The following RANBP17 variants were observed in gnomAD, a reference collection of about 807,000 sequenced individuals.
RANBP17 encodes the protein RAN binding protein 17.
Under a neutral mutation model 141.2 loss-of-function variants are expected in RANBP17, and 158 were observed. The observed-to-expected ratio is 1.12, with a 90% CI of 0.98 to 1.28. RANBP17 has a LOEUF of 1.28. RANBP17 is among the 50% of genes most tolerant of loss of function. The probability of loss-of-function intolerance (pLI) is 0.00; values close to 1 mark genes in which losing one functional copy is unlikely to be tolerated. For synonymous variants in RANBP17, 430 were observed against 450.0 expected (o/e 0.96, Z 0.56); for missense variants, 1,438 against 1,290.7 (o/e 1.11, Z -1.75).
intron 12 of RANBP17, among the ~76,000 whole-genome samples, chr5:170,930,599 C>T (rs1456947352): frequency 1.3e-5 from 2 of 151,992 alleles, no homozygotes; most frequent in African/African-American, 2.4e-5. Context: ...TGTGATGTTC[C>T]CCGCCCTGTG....
intron 5 of RANBP17, chr5:170,904,564 A>G (rs901125456): frequency 3.3e-5 from 5 of 152,192 alleles, no homozygotes; most frequent in African/African-American, 1.2e-4. Flanking sequence ...TGTTTTTCAT[A>G]TTAGGAAATA....
chr5:170,950,850 A>G (rs1043090361), intron 12 of RANBP17, among the ~76,000 whole-genome samples: 1 of 152,178 alleles, frequency 6.6e-6, no homozygotes, highest in Non-Finnish European at 1.5e-5. Flanking sequence ...TGATGGATGG[A>G]TAAAATAATG....
chr5:171,028,801 C>A, intron 14 of RANBP17: 1 of 714,568 alleles, frequency 1.4e-6, no homozygotes, highest in Non-Finnish European at 2.1e-6. Flanking sequence ...CCTTTTTTCC[C>A]TCTCCTAAGA....
intron 13 of RANBP17, among the ~76,000 whole-genome samples, chr5:170,964,077 C>T (rs1050892556): frequency 3.3e-5 from 5 of 152,004 alleles, no homozygotes; most frequent in Non-Finnish European, 5.9e-5. Context: ...AATTTTCTGT[C>T]ATCCTGAATT....
At chr5:171,298,710 A>T (rs1768976991) in intron 27 of RANBP17, 52 bp from the exon 28 acceptor site, 2 of 1,439,830 alleles carry the variant, frequency 1.4e-6, no homozygotes, top group Non-Finnish European at 2.0e-6. Flanking sequence ...CCAGAAATTC[A>T]TGGAGGCTTT....
intron 14 of RANBP17, among the ~76,000 whole-genome samples, chr5:171,167,209 A>T (rs1759763605): frequency 6.6e-6 from 1 of 152,208 alleles, no homozygotes; most frequent in African/African-American, 2.4e-5. Context: ...TTTGAATGCC[A>T]GGGACACGGT....
intron 24 of RANBP17, among the ~76,000 whole-genome samples, chr5:171,257,698 A>G (rs1335756167): frequency 1.3e-5 from 2 of 152,248 alleles, no homozygotes; most frequent in Non-Finnish European, 2.9e-5. Context: ...AAATAAATGC[A>G]CTAAAGTTGC....
intron 14 of RANBP17, among the ~76,000 whole-genome samples, chr5:171,091,459 G>C (rs1581614205): frequency 6.6e-6 from 1 of 152,256 alleles, no homozygotes; most frequent in East Asian, 1.9e-4. Context: ...GTCTCCTCTT[G>C]GATGAGACTT....
At chr5:170,903,370 G>T (rs1306072345) in intron 5 of RANBP17, among the ~76,000 whole-genome samples, 2 of 152,198 alleles carry the variant, frequency 1.3e-5, no homozygotes, top group East Asian at 3.9e-4. Flanking sequence ...ACTTCAGACT[G>T]CTGTGCTGGC....
chr5:171,236,824 C>A (rs988935727), intron 22 of RANBP17, among the ~76,000 whole-genome samples: 5 of 152,114 alleles, frequency 3.3e-5, no homozygotes, highest in Non-Finnish European at 1.5e-5. Context: ...GCTCAGATAC[C>A]TAGATAGTAA....
At chr5:170,883,500 A>G (rs1414287114) in intron 3 of RANBP17, among the ~76,000 whole-genome samples, 3 of 152,196 alleles carry the variant, frequency 2.0e-5, no homozygotes, top group Admixed American at 6.5e-5. Flanking sequence ...TTGTATTTCT[A>G]TGGATTTTGA....
chr5:171,156,756 G>A (rs1418499194), intron 14 of RANBP17, among the ~76,000 whole-genome samples: 3 of 152,118 alleles, frequency 2.0e-5, no homozygotes, highest in Non-Finnish European at 4.4e-5. Flanking sequence ...TTTACAAATG[G>A]CACACAAGGT....
At position 170,958,977 on chromosome 5, in the gene RANBP17, A is replaced by G. The variant is rs143139762; in HGVS notation, c.1574+5275A>G. 4.1e-3 allele frequency among the ~76,000 whole-genome samples: 622 copies of G among 152,304 alleles called. 5 individuals carry two copies. Among genetic ancestry groups the G allele is most frequent in the African/African-American group, 0.014 (599 of 41,564 alleles). On this transcript the variant is annotated intron_variant, in intron 13 of 27. Transcript: ENST00000523189. ...TAACTCATTTATGTATGCAGTTGCA[A>G]TTTTTAAAATTTTTGCTATCAGACC...
chr5:170,894,763 A>C (rs556941463), intron 4 of RANBP17, among the ~76,000 whole-genome samples: 6 of 151,988 alleles, frequency 3.9e-5, no homozygotes, highest in African/African-American at 1.4e-4. Flanking sequence ...AGGAGATCCT[A>C]CTGTCATTTA....
intron 14 of RANBP17, among the ~76,000 whole-genome samples, chr5:171,094,685 C>T (rs1348493355): frequency 6.6e-6 from 1 of 152,070 alleles, no homozygotes; most frequent in African/African-American, 2.4e-5. Flanking sequence ...ACGTTCTCTT[C>T]GTGTAAAGGA....
intron 24 of RANBP17, among the ~76,000 whole-genome samples, chr5:171,258,577 A>G (rs1766077337): frequency 6.6e-6 from 1 of 152,198 alleles, no homozygotes; most frequent in Non-Finnish European, 1.5e-5. Flanking sequence ...AAATAAAGTC[A>G]CATACTTACA....
At chr5:171,248,190 C>T in intron 24 of RANBP17, among the ~76,000 whole-genome samples, 1 of 151,972 alleles carries the variant, frequency 6.6e-6, no homozygotes, top group East Asian at 1.9e-4. Context: ...CACGGTGAAA[C>T]CTCGTCTCTA....
At position 171,242,663 on chromosome 5, in the gene RANBP17, G is replaced by C; in HGVS notation, c.2638-19G>C. 1.2e-6 allele frequency: 2 copies of C among 1,609,698 alleles called. No homozygotes were observed. Among genetic ancestry groups the C allele is most frequent in the Non-Finnish European group, 1.7e-6 (2 of 1,178,812 alleles). ...TTTCTTCTCTGTGGCTTGACATTTA[G>C]TATATCTCTGTGTTGTAGCAATACC... On this transcript the variant is annotated intron_variant, in intron 23 of 27. Transcript: ENST00000523189.
Position 170,968,219 on chromosome 5 carries a change from T to C in RANBP17, c.1575-23T>C, listed in dbSNP as rs768476290. On this transcript the variant is annotated intron_variant, in intron 13 of 27. Transcript: ENST00000523189. ...TCTAAGGTTTTGTACTGAAGGTTTT[T>C]TTTTTATTTTCCCTTCATGAAGAGT... The C allele has an allele frequency of 2.6e-6, 4 of 1,524,192 alleles. No homozygotes were observed. In the African/African-American group the frequency reaches 5.6e-5, roughly 21 times the overall value. 94.4% of individuals were successfully genotyped at this position (1,524,192 alleles called of 1,614,324 possible). A position where few individuals can be genotyped will look rare whatever the true frequency, so the allele number is the denominator to read the frequency against.
Sources: allele counts gnomAD v4.1 joint callset (sites outside exome capture counted in the v4.1 genomes callset), GRCh38; gene constraint gnomAD v4.1.1; transcripts MANE v1.5; gene names NCBI Gene and HGNC (gene_info 2026-07-23, HGNC 2026-07-21).